ADAMTSL1: variants seen among roughly 807,000 people sequenced by gnomAD.
The protein encoded by ADAMTSL1 is ADAMTS like 1, also known as ADAMTS-like protein 1.
ADAMTSL1 carries 126 observed loss-of-function variants against 201.8 expected under a neutral mutation model. The observed-to-expected ratio is 0.62, with a 90% CI of 0.54 to 0.72. ADAMTSL1 has a LOEUF of 0.72. ADAMTSL1 is among the 30% of genes least tolerant of loss of function. ADAMTSL1 has a pLI of 0.00. For missense variants in ADAMTSL1, 2,679 were observed against 2,277.8 expected, an observed-to-expected ratio of 1.18 and a Z score of -3.59; for synonymous variants, 1,121 against 903.4, an observed-to-expected ratio of 1.24 and a Z score of -4.32.
At chr9:17,957,662 T>C (rs893964819) in intron 1 of ADAMTSL1, among the ~76,000 whole-genome samples, 3 of 152,182 alleles carry the variant, frequency 2.0e-5, no homozygotes, top group African/African-American at 7.2e-5. Context: ...AATGTGACCT[T>C]ATTTGGAAAA....
chr9:18,732,144 G>T (rs566485887), intron 15 of ADAMTSL1, among the ~76,000 whole-genome samples: 2 of 152,286 alleles, frequency 1.3e-5, no homozygotes, highest in Admixed American at 1.3e-4. Flanking sequence ...ATAAGGATTT[G>T]CTAACACTCT....
At chr9:18,461,658 T>G (rs537840227) in intron 2 of ADAMTSL1, among the ~76,000 whole-genome samples, 1 of 152,122 alleles carries the variant, frequency 6.6e-6, no homozygotes, top group South Asian at 2.1e-4. Context: ...CAAGGCAGTA[T>G]CTTGCCCTAA....
chr9:18,295,233 A>C (rs1464424789), intron 2 of ADAMTSL1, among the ~76,000 whole-genome samples: 2 of 152,164 alleles, frequency 1.3e-5, no homozygotes, highest in South Asian at 4.1e-4. Flanking sequence ...CATTAGCTTT[A>C]CCGAGAGGTC....
chr9:18,149,705 T>C (rs1826824487), intron 1 of ADAMTSL1, among the ~76,000 whole-genome samples: 1 of 152,088 alleles, frequency 6.6e-6, no homozygotes, highest in South Asian at 2.1e-4. Context: ...TGATTGGCAC[T>C]GTTTTTTAGA....
At chr9:18,493,413 C>T (rs77389152) in intron 1 of ADAMTSL1, among the ~76,000 whole-genome samples, 11,847 of 152,236 alleles carry the variant, frequency 0.078, 628 homozygotes, top group Non-Finnish European at 0.12. Context: ...TCCTCACCCA[C>T]CTCTCTTCAT....
chr9:18,558,955 G>A (rs528071395), intron 3 of ADAMTSL1, among the ~76,000 whole-genome samples: 8 of 152,202 alleles, frequency 5.3e-5, no homozygotes, highest in African/African-American at 1.9e-4. Context: ...CATTCTGTAG[G>A]TTGCCTATTC....
chr9:18,599,789 TATATAATTTATTTATA>T (rs1485168406), intron 4 of ADAMTSL1, among the ~76,000 whole-genome samples: 2 of 150,302 alleles, frequency 1.3e-5, no homozygotes, highest in Non-Finnish European at 3.0e-5. Context: ...AAATTATATT[TATATAATTTATTTATA>T]ACTGTAATAT....
intron 16 of ADAMTSL1, among the ~76,000 whole-genome samples, chr9:18,767,048 G>A (rs1392496695): frequency 1.3e-5 from 2 of 152,140 alleles, no homozygotes; most frequent in Non-Finnish European, 1.5e-5. Context: ...AAAAACTCAG[G>A]GGCCAAAGTT....
intron 1 of ADAMTSL1, among the ~76,000 whole-genome samples, chr9:17,996,134 C>T (rs1819370021): frequency 6.6e-6 from 1 of 151,594 alleles, no homozygotes; most frequent in Admixed American, 6.6e-5. Context: ...TTATCACATC[C>T]TAACTTACCA....
chr9:18,894,619 G>GA (rs200582399), intron 26 of ADAMTSL1, among the ~76,000 whole-genome samples: 4,381 of 151,762 alleles, frequency 0.029, 126 homozygotes, highest in South Asian at 0.14. Context: ...TAGGAATACA[G>GA]AAAAAAAAGA....
At chr9:18,166,066 G>A (rs1207531863) in intron 2 of ADAMTSL1, among the ~76,000 whole-genome samples, 1 of 151,886 alleles carries the variant, frequency 6.6e-6, no homozygotes, top group East Asian at 1.9e-4. Context: ...GCAAGTCAGT[G>A]AGAGATGAAA....
Position 18,680,363 on chromosome 9 carries a change from C to G in ADAMTSL1, c.1188C>G (p.Ile396Met). The change falls in exon 11 of 29, where the codon ATC becomes ATG. Residue 396 changes from isoleucine to methionine, a missense_variant. Ile to Met is a conservative substitution (Grantham distance 10, BLOSUM62 1). Transcript: ENST00000380548. ...GCTCCTCCTCGTGTGGGGGGGGCATCCAGAGCCGGGCAGTTTCCTGTGTGG... is the reference window on the plus strand; with the variant it reads ...GCTCCTCCTCGTGTGGGGGGGGCATGCAGAGCCGGGCAGTTTCCTGTGTGG... ...TACSSSCGGG[I>M]QSRAVSCVEE... is the part of the protein sequence containing the mutation. 1 of 1,614,094 alleles carries G rather than the reference C, an allele frequency of 6.2e-7. No individual in the cohort carries two copies.
At chr9:17,994,414 C>T (rs142383510) in intron 1 of ADAMTSL1, among the ~76,000 whole-genome samples, 1 of 152,058 alleles carries the variant, frequency 6.6e-6, no homozygotes, top group South Asian at 2.1e-4. Flanking sequence ...TAAAGACACA[C>T]TGATGAAAGA....
intron 2 of ADAMTSL1, among the ~76,000 whole-genome samples, chr9:18,522,724 G>A (rs1818778542): frequency 6.6e-6 from 1 of 151,672 alleles, no homozygotes; most frequent in Admixed American, 6.6e-5. Context: ...AGTTTGCTGA[G>A]AATGATGGTT....
At chr9:18,722,211 T>C (rs2133429030) in intron 15 of ADAMTSL1, among the ~76,000 whole-genome samples, 1 of 152,314 alleles carries the variant, frequency 6.6e-6, no homozygotes, top group East Asian at 1.9e-4. Flanking sequence ...TGGGTCTCAT[T>C]ATTAGCCAAC....
chr9:18,315,443 G>C (rs941988742), intron 2 of ADAMTSL1, among the ~76,000 whole-genome samples: 4 of 152,054 alleles, frequency 2.6e-5, no homozygotes, highest in Admixed American at 6.5e-5. Flanking sequence ...AGTGAGGAGG[G>C]GGGTGGTTCG....
At chr9:18,472,962 T>C (rs570325153), upstream of ADAMTSL1, among the ~76,000 whole-genome samples, 1 of 152,298 alleles carries the variant, frequency 6.6e-6, no homozygotes, top group East Asian at 1.9e-4. Flanking sequence ...CTTCCTCTAG[T>C]AGAGTCAAAT....
intron 1 of ADAMTSL1, among the ~76,000 whole-genome samples, chr9:18,127,637 G>A (rs1825793935): frequency 6.6e-6 from 1 of 152,166 alleles, no homozygotes; most frequent in Non-Finnish European, 1.5e-5. Flanking sequence ...CAGGCTGCAT[G>A]TGGAAAGTTT....
At chr9:17,950,657 A>T (rs913148990) in intron 1 of ADAMTSL1, among the ~76,000 whole-genome samples, 1 of 152,058 alleles carries the variant, frequency 6.6e-6, no homozygotes, top group African/African-American at 2.4e-5. Flanking sequence ...GTTGTATAAT[A>T]TTTCCATCAT....
Sources: gnomAD v4.1 joint callset for allele counts (sites outside exome capture counted in the v4.1 genomes callset) on GRCh38, gnomAD v4.1.1 for gene constraint, MANE v1.5 for transcripts, NCBI Gene and HGNC (gene_info 2026-07-23, HGNC 2026-07-21) for gene names.